The following PCDHGA1 variants were observed in gnomAD, a reference collection of about 807,000 sequenced individuals.
The protein encoded by PCDHGA1 is protocadherin gamma-A1.
Under a neutral mutation model 58.0 loss-of-function variants are expected in PCDHGA1, and 32 were observed. The observed-to-expected ratio is 0.55, with a 90% CI of 0.42 to 0.74. The LOEUF (loss-of-function observed/expected upper bound fraction) is 0.74, where lower values mean the gene tolerates loss of function less well. PCDHGA1 is among the 30% of genes least tolerant of loss of function. The probability of loss-of-function intolerance (pLI) is 0.00; values close to 1 mark genes in which losing one functional copy is unlikely to be tolerated. For synonymous variants in PCDHGA1, 498 were observed against 501.1 expected (o/e 0.99, Z 0.08); for missense variants, 1,205 against 1,182.3 (o/e 1.02, Z -0.28).
In PCDHGA1 at chr5:141,330,699, A is replaced by G; in HGVS notation, c.15A>G (p.Lys5=). 1 of 1,607,508 alleles carries G rather than the reference A, an allele frequency of 6.2e-7. No individual in the cohort carries two copies. The highest frequency in any genetic ancestry group is 8.5e-7 in the Non-Finnish European group (1 of 1,175,168). The change falls in exon 1 of 4, where the codon AAA becomes AAG. Residue 5 remains lysine, a synonymous_variant. Coordinates refer to ENST00000517417, the MANE Select transcript of PCDHGA1 (RefSeq NM_018912.3). MKIQ[K]KLTGCSRLML... Reference sequence around the variant, plus strand: ...GTGAGAGAGCCATGAAGATTCAGAAAAAGCTGACTGGCTGCAGCAGGCTGA... The same window carrying G: ...GTGAGAGAGCCATGAAGATTCAGAAGAAGCTGACTGGCTGCAGCAGGCTGA...
intron 1 of PCDHGA1, chr5:141,430,625 G>T: frequency 1.3e-6 from 1 of 788,104 alleles, no homozygotes; most frequent in Non-Finnish European, 1.9e-6. Context: ...AGCTAGGAAT[G>T]AACCATCCCT....
chr5:141,394,491 C>G, intron 1 of PCDHGA1: 1 of 1,614,234 alleles, frequency 6.2e-7, no homozygotes, highest in East Asian at 2.2e-5. Flanking sequence ...TGACAACGCG[C>G]CCGAGATCCT....
At position 141,510,228 on chromosome 5, in the gene PCDHGA1, G is replaced by A. The variant is rs529723748; in HGVS notation, c.2570-719G>A. The stretch of plus-strand genomic sequence containing the variant: ...GCAGAGGTTGCAGTGAGCCGGGATC[G>A]CGCCACTGCACTCCAGGCTGGGCGA... On this transcript the variant is annotated intron_variant, in intron 3 of 3. Coordinates refer to ENST00000517417, the MANE Select transcript of PCDHGA1 (RefSeq NM_018912.3). Among the ~76,000 whole-genome samples the A allele has an allele frequency of 1.4e-3, 208 of 150,722 alleles. 1 individual carries two copies. Among genetic ancestry groups the A allele is most frequent in the African/African-American group, 4.7e-3 (193 of 40,860 alleles).
Position 141,332,312 on chromosome 5 carries a change from G to A in PCDHGA1, c.1628G>A (p.Ser543Asn). Residue 543 changes from serine to asparagine, a missense_variant, in exon 1 of 4, where the codon AGC (serine) becomes AAC (asparagine). Coordinates refer to ENST00000517417, the MANE Select transcript of PCDHGA1 (RefSeq NM_018912.3). The surrounding 1 kb of genome is among the most constrained non-coding windows in gnomAD (Gnocchi z 4.6). ...CGGGACAGTGGGGATCCGCCCCTCAGCAGCAACGTGTCTCTCAGCCTATTC... is the reference window on the plus strand; with the variant it reads ...CGGGACAGTGGGGATCCGCCCCTCAACAGCAACGTGTCTCTCAGCCTATTC... ...MARDSGDPPL[S>N]SNVSLSLFLL... 6.2e-7 allele frequency: 1 copy of A among 1,614,134 alleles called. No individual in the cohort carries two copies. Among genetic ancestry groups the A allele is most frequent in the Non-Finnish European group, 8.5e-7 (1 of 1,179,952 alleles).
At chr5:141,393,515 T>C in intron 1 of PCDHGA1, 2 of 1,613,990 alleles carry the variant, frequency 1.2e-6, no homozygotes, top group Non-Finnish European at 1.7e-6. Context: ...CAGTGTTGGA[T>C]ACAAATGACA....
rs767108870 is a variant in PCDHGA1 at position 141,485,169 on chromosome 5, C to T, written c.2422-9638C>T. On this transcript the variant is annotated intron_variant, in intron 1 of 3. Transcript: ENST00000517417. This position sits in a 1 kb window ranked among gnomAD's most constrained non-coding sequence, Gnocchi z 5.7. ...GAGCAAGTAGAGAATTAGCGGGCGG[C>T]AGCAATGCTCCGCAAGGTGAGAAGC... The T allele has an allele frequency of 6.2e-7, 1 of 1,608,524 alleles. No homozygotes were observed. Among genetic ancestry groups the T allele is most frequent in the South Asian group, 1.1e-5 (1 of 90,730 alleles).
chr5:141,415,048 G>C lies in PCDHGA1; in HGVS notation c.2422-79759G>C, dbSNP rs535976406. The C allele has an allele frequency of 5.0e-5, 80 of 1,613,320 alleles. 1 individual carries two copies. The Admixed American group carries it at 6.0e-4, about 12-fold the overall frequency. ...CGAGCCGGGACTCTTCGCGGTGGGG[G>C]AGCACACGGGCGAGGTGCGCACGGC... is the stretch of plus-strand genomic sequence containing the variant. On this transcript the variant is annotated intron_variant, in intron 1 of 3. Transcript: ENST00000517417.
At chr5:141,480,398 G>C (rs2099518275) in intron 1 of PCDHGA1, among the ~76,000 whole-genome samples, 1 of 149,050 alleles carries the variant, frequency 6.7e-6, no homozygotes, top group Non-Finnish European at 1.5e-5. Context: ...CATGGCAATA[G>C]AGTGAGACCC....
intron 1 of PCDHGA1, chr5:141,375,639 CCTTCGACTA>C (rs1771695189): frequency 6.2e-6 from 10 of 1,614,244 alleles, no homozygotes; most frequent in Non-Finnish European, 8.5e-6. Flanking sequence ...GCCCTGCGCT[CCTTCGACTA>C]TGAGCAGTTG....
intron 1 of PCDHGA1, chr5:141,383,457 C>T (rs1270613288): frequency 2.5e-6 from 4 of 1,613,734 alleles, no homozygotes; most frequent in Non-Finnish European, 3.4e-6. Flanking sequence ...AAAGTGGAGA[C>T]GATGAAACTA....
chr5:141,419,370 A>T, intron 1 of PCDHGA1: 1 of 1,613,692 alleles, frequency 6.2e-7, no homozygotes, highest in Non-Finnish European at 8.5e-7. Context: ...CTGTCGTCCT[A>T]CGTGTCCGTG....
chr5:141,398,356 G>C (rs1242233046), intron 1 of PCDHGA1: 7 of 1,409,380 alleles, frequency 5.0e-6, no homozygotes, highest in East Asian at 2.4e-5. Context: ...TTACTTCACC[G>C]TGAGCGCAGA....
At chr5:141,504,017 T>G (rs1186684262) in intron 2 of PCDHGA1, among the ~76,000 whole-genome samples, 1 of 152,150 alleles carries the variant, frequency 6.6e-6, no homozygotes, top group Non-Finnish European at 1.5e-5. Context: ...TCTCTGCTGG[T>G]CTCTTCCCAC....
intron 1 of PCDHGA1, chr5:141,398,074 T>A: frequency 6.3e-7 from 1 of 1,590,802 alleles, no homozygotes; most frequent in Non-Finnish European, 8.6e-7. Context: ...ATACAGAGGT[T>A]ATTTGTAACC....
intron 1 of PCDHGA1, among the ~76,000 whole-genome samples, chr5:141,472,242 A>T (rs1342571385): frequency 6.6e-6 from 1 of 152,186 alleles, no homozygotes; most frequent in East Asian, 1.9e-4. Flanking sequence ...TTCACTTTCT[A>T]TTTTAAAGTT....
intron 2 of PCDHGA1, among the ~76,000 whole-genome samples, chr5:141,503,085 C>T (rs1284066265): frequency 6.6e-6 from 1 of 152,044 alleles, no homozygotes; most frequent in Non-Finnish European, 1.5e-5. Context: ...GATCTCCTGA[C>T]CTCGTGGTCT....
Position 141,331,761 on chromosome 5 carries a change from C to G in PCDHGA1, c.1077C>G (p.Asn359Lys). ...ITSVTTAVPE[N>K]FPPGTIIALI... ...CTGTCACCACTGCAGTTCCAGAAAA[C>G]TTTCCTCCTGGGACCATAATTGCTC... The change falls in exon 1 of 4, where the codon AAC becomes AAG. Residue 359 changes from asparagine (N) to lysine (K), a missense_variant. Physicochemically the swap from Asn to Lys is moderately conservative, Grantham distance 94 (BLOSUM62 0). Coordinates refer to ENST00000517417, the MANE Select transcript of PCDHGA1 (RefSeq NM_018912.3). 1 of 1,614,172 alleles carries G rather than the reference C, an allele frequency of 6.2e-7. No homozygotes were observed. Among genetic ancestry groups the G allele is most frequent in the Non-Finnish European group, 8.5e-7 (1 of 1,180,046 alleles).
rs1758397732 is a variant in PCDHGA1, at chr5:141,350,060, G to A, written c.2421+16955G>A. 3 of 412,496 alleles carry A rather than the reference G, an allele frequency of 7.3e-6. No individual in the cohort carries two copies. In the East Asian group the frequency reaches 1.1e-4, roughly 15 times the overall value. 25.6% of individuals were successfully genotyped at this position (412,496 alleles called of 1,614,324 possible). On this transcript the variant is annotated intron_variant, in intron 1 of 3. Coordinates refer to ENST00000517417, the MANE Select transcript of PCDHGA1 (RefSeq NM_018912.3). ...GGGCGCCGCTGTCGACCAAAAGGAA[G>A]TGAAGGCTTCTCAATTCTGCAGGAG...
intron 1 of PCDHGA1, chr5:141,343,157 T>G (rs1757261456): frequency 3.6e-6 from 1 of 280,254 alleles, no homozygotes; most frequent in African/African-American, 2.3e-5. Flanking sequence ...AGCTACTGTG[T>G]CTATATTGTT....
Sources: allele counts gnomAD v4.1 joint callset (sites outside exome capture counted in the v4.1 genomes callset), GRCh38; gene constraint gnomAD v4.1.1; non-coding constraint Gnocchi (gnomAD v3.1); transcripts MANE v1.5; gene names NCBI Gene and HGNC (gene_info 2026-07-23, HGNC 2026-07-21).